The following KANK3 variants were observed in gnomAD, a reference collection of about 807,000 sequenced individuals.
The protein encoded by KANK3 is KN motif and ankyrin repeat domains 3, also known as KN motif and ankyrin repeat domain-containing protein 3.
A neutral mutation model predicts 65.4 loss-of-function variants in KANK3; 61 were observed. That is an observed-to-expected ratio of 0.93 (90% confidence interval 0.76 to 1.15). The LOEUF (loss-of-function observed/expected upper bound fraction) is 1.15. Among genes scored for constraint, KANK3 ranks in the 50% most tolerant of loss-of-function variants. KANK3 has a pLI of 0.00. For synonymous variants in KANK3, 586 were observed against 543.3 expected (o/e 1.08, Z -1.09); for missense variants, 1,187 against 1,178.8 (o/e 1.01, Z -0.10).
In KANK3 at chr19:8,322,924, TG is replaced by T; in HGVS notation, c.2383-3del. On this transcript the variant is annotated splice_region_variant and splice_polypyrimidine_tract_variant and intron_variant, in intron 10 of 10. Coordinates refer to ENST00000330915, the MANE Select transcript of KANK3 (RefSeq NM_198471.3). ...CTGGGAGCCAGGGGGTGACTCGCTC[TG>T]GAGAGAGGGGAAAAGAGGGGGGCCT... The T allele has an allele frequency of 3.3e-6, 5 of 1,498,120 alleles. No homozygotes were observed. In the South Asian group the frequency reaches 6.4e-5, roughly 19 times the overall value. The allele number at this position is 1,498,120 out of a possible 1,614,324, so 92.8% of individuals were successfully genotyped here.
intron 1 of KANK3, among the ~76,000 whole-genome samples, chr19:8,338,855 C>G (rs1042591546): frequency 4.3e-4 from 47 of 109,348 alleles, no homozygotes; most frequent in African/African-American, 1.5e-3. Context: ...AGCCTGGCAA[C>G]AGAGCGAGAT....
chr19:8,322,943 G>C (rs1357317596), intron 10 of KANK3, 21 bp from the exon 11 acceptor site: 3 of 1,359,276 alleles, frequency 2.2e-6, no homozygotes, highest in Non-Finnish European at 3.0e-6. Context: ...GGGAAAAGAG[G>C]GGGGCCTGCT....
chr19:8,331,368 C>T lies in KANK3; in HGVS notation c.1936+1646G>A, dbSNP rs187053887. Reference sequence around the variant, plus strand: ...ATTCACTTAGATTCATTCACTGTCCCCTGTCTCCTACAATGCCCCAGCTTC... The same window carrying T: ...ATTCACTTAGATTCATTCACTGTCCTCTGTCTCCTACAATGCCCCAGCTTC... On this transcript the variant is annotated intron_variant, in intron 7 of 10. Coordinates refer to ENST00000330915, the MANE Select transcript of KANK3 (RefSeq NM_198471.3). Among the ~76,000 whole-genome samples the T allele has an allele frequency of 1.9e-4, 20 of 107,264 alleles. No homozygotes were observed. The East Asian group carries it at 4.2e-3, about 23-fold the overall frequency. The allele number at this position is 107,264 out of a possible 152,430, so 70.4% of individuals were successfully genotyped here. A position where few individuals can be genotyped will look rare whatever the true frequency, so the allele number is the denominator to read the frequency against.
Position 8,324,473 on chromosome 19 carries a change from C to T in KANK3, c.2358G>A (p.Leu786=). The change falls in exon 10 of 11, where the codon CTG becomes CTA. Residue 786 remains leucine (L), a synonymous_variant. Coordinates refer to ENST00000330915, the MANE Select transcript of KANK3 (RefSeq NM_198471.3). ...CCTGGGTGTCGGGCTGGCCCGAGCT[C>T]AGGTGGGCATGTAGCAGAGCGGCCA... ...DEVAALLHAH[L]SSGQPDTQSE... 1 of 1,609,990 alleles carries T rather than the reference C, an allele frequency of 6.2e-7. No homozygotes were observed.
intron 7 of KANK3, among the ~76,000 whole-genome samples, chr19:8,331,298 C>T (rs1324716755): frequency 6.6e-6 from 1 of 152,148 alleles, no homozygotes; most frequent in African/African-American, 2.4e-5. Context: ...CGCCTACTTC[C>T]TTGCCGCAGC....
intron 7 of KANK3, 27 bp downstream of exon 7, chr19:8,332,987 T>TTTGGGG: frequency 2.8e-5 from 11 of 395,178 alleles, no homozygotes; most frequent in East Asian, 2.0e-4. Context: ...TTTCCTGGTG[T>TTTGGGG]CCCACCCACC....
Position 8,333,948 on chromosome 19 carries a change from G to C in KANK3, c.1596C>G (p.Pro532=). ...PSGGDIRDPE[P]EAEAEPQQVA... ...CCTGCTGAGGCTCTGCCTCCGCCTC[G>C]GGCTCAGGGTCCCGGATGTCCCCGC... The change falls in exon 5 of 11, where the codon CCC becomes CCG. Residue 532 remains proline (P), a synonymous_variant. Coordinates refer to ENST00000330915, the MANE Select transcript of KANK3 (RefSeq NM_198471.3). This position sits in a 1 kb window ranked among gnomAD's most constrained non-coding sequence, Gnocchi z 5.0. 1.3e-6 allele frequency: 2 copies of C among 1,570,184 alleles called. No individual in the cohort carries two copies. The highest frequency in any genetic ancestry group is 8.6e-7 in the Non-Finnish European group (1 of 1,161,644).
intron 1 of KANK3, among the ~76,000 whole-genome samples, chr19:8,342,919 AGGCCGTCCCGGGAAAGGGTCCCAG>A (rs1970739131): frequency 6.6e-6 from 1 of 151,874 alleles, no homozygotes; most frequent in Non-Finnish European, 1.5e-5. Flanking sequence ...TGGGGTCCCC[AGGCCGTCCCGGGAAAGGGTCCCAG>A]GGCCGGTTGT....
Position 8,333,942 on chromosome 19 carries a change from C to T in KANK3, c.1602G>A (p.Ala534=), listed in dbSNP as rs1422314103. 3.8e-6 allele frequency: 6 copies of T among 1,572,726 alleles called. No individual in the cohort carries two copies. The highest frequency in any genetic ancestry group is 1.8e-5 in the Admixed American group (1 of 56,316). Residue 534 remains alanine (A), a synonymous_variant, in exon 5 of 11, where the codon GCG becomes GCA. Transcript: ENST00000330915. This position sits in a 1 kb window ranked among gnomAD's most constrained non-coding sequence, Gnocchi z 5.0. ...GTGCCACCTGCTGAGGCTCTGCCTCCGCCTCGGGCTCAGGGTCCCGGATGT... is the reference window on the plus strand; with the variant it reads ...GTGCCACCTGCTGAGGCTCTGCCTCTGCCTCGGGCTCAGGGTCCCGGATGT... ...GGDIRDPEPE[A]EAEPQQVAQG...
At chr19:8,341,487 T>C (rs1970722855) in intron 1 of KANK3, among the ~76,000 whole-genome samples, 1 of 152,108 alleles carries the variant, frequency 6.6e-6, no homozygotes, top group Non-Finnish European at 1.5e-5. Context: ...CTCAGCTCAC[T>C]GCAATCTCCG....
intron 1 of KANK3, among the ~76,000 whole-genome samples, chr19:8,341,748 C>T (rs1231452567): frequency 6.6e-6 from 1 of 152,226 alleles, no homozygotes; most frequent in African/African-American, 2.4e-5. Flanking sequence ...AGTTCAGCCT[C>T]CCAGAGTGCT....
chr19:8,331,431 G>C (rs1368848830), intron 7 of KANK3, among the ~76,000 whole-genome samples: 1 of 152,102 alleles, frequency 6.6e-6, no homozygotes, highest in Non-Finnish European at 1.5e-5. Context: ...ATAAAGACCT[G>C]CAGGGATGGG....
intron 10 of KANK3, among the ~76,000 whole-genome samples, chr19:8,324,144 C>G (rs1970375914): frequency 6.6e-6 from 1 of 152,178 alleles, no homozygotes; most frequent in Non-Finnish European, 1.5e-5. Context: ...CAGCCCCTGC[C>G]AGGCGCTCTG....
chr19:8,335,351 C>A lies in KANK3; in HGVS notation c.476G>T (p.Arg159Leu), dbSNP rs1214969242. 2.4e-5 allele frequency: 29 copies of A among 1,193,992 alleles called. No homozygotes were observed. The highest frequency in any genetic ancestry group is 3.0e-5 in the Non-Finnish European group (29 of 964,162). 74.0% of individuals were successfully genotyped at this position (1,193,992 alleles called of 1,614,324 possible). A position where few individuals can be genotyped will look rare whatever the true frequency, so the allele number is the denominator to read the frequency against. Residue 159 changes from arginine (R) to leucine (L), a missense_variant, in exon 3 of 11, where the codon CGC (arginine) becomes CTC (leucine). This residue lies in a region of KANK3 where 1,078 missense variants were observed against 1,038.2 expected (regional missense o/e 1.04). Transcript: ENST00000330915. ...GCTGCGGCCGGACCCGCGTGGGCTG[C>A]GCGGGACCCCGCGGCCGGGGCTGGG... ...RAPSPGRGVPRSPRGSGRSSP... is the reference protein window; with the variant it reads ...RAPSPGRGVPLSPRGSGRSSP...
chr19:8,342,266 A>G (rs1273859333), intron 1 of KANK3, among the ~76,000 whole-genome samples: 1 of 152,154 alleles, frequency 6.6e-6, no homozygotes, highest in Admixed American at 6.6e-5. Context: ...GTGCTGGGAT[A>G]ACAGGCATGA....
Position 8,333,096 on chromosome 19 carries a change from C to T in KANK3, c.1854G>A (p.Leu618=). The change falls in exon 7 of 11, where the codon CTG becomes CTA. Residue 618 remains leucine (L), a synonymous_variant. Coordinates refer to ENST00000330915, the MANE Select transcript of KANK3 (RefSeq NM_198471.3). The surrounding 1 kb of genome is among the most constrained non-coding windows in gnomAD (Gnocchi z 5.0). ...GPELLAHVVN[L]ADGNGNTALH... ...GGGCCGTGTTCCCGTTGCCATCCGC[C>T]AGGTTCACCACGTGCGCCAGCAGTT... 1 of 1,613,250 alleles carries T rather than the reference C, an allele frequency of 6.2e-7. No individual in the cohort carries two copies. Among genetic ancestry groups the T allele is most frequent in the Non-Finnish European group, 8.5e-7 (1 of 1,179,936 alleles).
chr19:8,324,733 G>C lies in KANK3; in HGVS notation c.2180C>G (p.Ala727Gly). The change falls in exon 9 of 11, where the codon GCG becomes GGG. Residue 727 changes from alanine (A) to glycine (G), a missense_variant. Ala to Gly is a moderately conservative substitution (Grantham distance 60). Coordinates refer to ENST00000330915, the MANE Select transcript of KANK3 (RefSeq NM_198471.3). ...ACGADVNAQD[A>G]DGATALMCAS... ...ACACATCAGCGCTGTGGCCCCATCC[G>C]CATCCTGCGCATTCACATCAGCCCC... is the stretch of plus-strand genomic sequence containing the variant. 1 of 1,614,024 alleles carries C rather than the reference G, an allele frequency of 6.2e-7. No individual in the cohort carries two copies. Among genetic ancestry groups the C allele is most frequent in the Middle Eastern group, 1.6e-4 (1 of 6,062 alleles).
At position 8,325,107 on chromosome 19, in the gene KANK3, A is replaced by G; in HGVS notation, c.1937-11T>C. On this transcript the variant is annotated splice_polypyrimidine_tract_variant and intron_variant, in intron 7 of 10. Transcript: ENST00000330915. ...TGACCTCGCAGGCCCCTGGGAGAGA[A>G]AAGGGGGCCGTCCACGGAGATGCCA... The G allele has an allele frequency of 1.9e-6, 3 of 1,606,448 alleles. No homozygotes were observed. Among genetic ancestry groups the G allele is most frequent in the South Asian group, 1.1e-5 (1 of 90,610 alleles).
rs1189581000 is a variant in KANK3, at chr19:8,322,589, G to A, written c.*250C>T. 1 of 554,048 alleles carries A rather than the reference G, an allele frequency of 1.8e-6. No individual in the cohort carries two copies. Among genetic ancestry groups the A allele is most frequent in the East Asian group, 3.1e-5 (1 of 31,766 alleles). The allele number at this position is 554,048 out of a possible 1,614,324, so 34.3% of individuals were successfully genotyped here. ...CCCCAAACAAAACACAAGCGTAGTA[G>A]GAATGTTTTATTAGCAAAGAAGTTT... On this transcript the variant is annotated 3_prime_UTR_variant, in exon 11 of 11. Transcript: ENST00000330915.
Sources: gnomAD v4.1 joint callset for allele counts (sites outside exome capture counted in the v4.1 genomes callset) on GRCh38, gnomAD v4.1.1 for gene constraint, gnomAD v4.1.1 regional missense constraint, Gnocchi (gnomAD v3.1) non-coding constraint, MANE v1.5 for transcripts, NCBI Gene and HGNC (gene_info 2026-07-23, HGNC 2026-07-21) for gene names.